Variants in PLAC1 observed in about 807,000 individuals in gnomAD.
PLAC1 encodes placenta-specific protein 1.
For missense variants in PLAC1, 136 were observed against 163.2 expected, an observed-to-expected ratio of 0.83 and a Z score of 0.91; for synonymous variants, 68 against 62.1, an observed-to-expected ratio of 1.09 and a Z score of -0.44.
intron 2 of PLAC1, among the ~76,000 whole-genome samples, chrX:134,714,076 C>T (rs2078636202): frequency 9.0e-6 from 1 of 111,694 alleles, no homozygotes; most frequent in Non-Finnish European, 1.9e-5. Flanking sequence ...ATTGCACTTG[C>T]AAATCTCTGC....
At chrX:134,598,118 G>A (rs756742484) in intron 2 of PLAC1, among the ~76,000 whole-genome samples, 20 of 112,404 alleles carry the variant, frequency 1.8e-4, no homozygotes, top group Non-Finnish European at 1.3e-4. Flanking sequence ...AAAAGCAGAA[G>A]TTGACTTTTA....
At chrX:134,762,821 C>CAAAAAAAAAAAAAA (rs60721487) in intron 1 of PLAC1, among the ~76,000 whole-genome samples, 10 of 14,821 alleles carry the variant, frequency 6.7e-4, no homozygotes, top group East Asian at 8.4e-3. Context: ...GGCTCTATCT[C>CAAAAAAAAAAAAAA]AAAAAAAAAA....
chrX:134,737,978 G>T (rs2078707289), intron 1 of PLAC1, among the ~76,000 whole-genome samples: 1 of 111,608 alleles, frequency 9.0e-6, no homozygotes, highest in Non-Finnish European at 1.9e-5. Context: ...ACAGAGGGAG[G>T]AAAAGAATCT....
At chrX:134,598,375 G>A (rs917164356) in intron 2 of PLAC1, among the ~76,000 whole-genome samples, 10 of 112,021 alleles carry the variant, frequency 8.9e-5, no homozygotes, top group Non-Finnish European at 1.9e-4. Context: ...TATGTGCCCA[G>A]AACTGCACTG....
chrX:134,687,038 G>A (rs1335260052), intron 2 of PLAC1, among the ~76,000 whole-genome samples: 1 of 111,409 alleles, frequency 9.0e-6, no homozygotes, highest in Non-Finnish European at 1.9e-5. Flanking sequence ...TAAGATCAAT[G>A]TTTTAGTGGA....
intron 2 of PLAC1, among the ~76,000 whole-genome samples, chrX:134,575,458 CA>C (rs56669568): frequency 0.15 from 10,363 of 68,754 alleles, 1,257 homozygotes; most frequent in African/African-American, 0.4. Flanking sequence ...AAAAAACAAA[CA>C]AAAAAAAAAG....
chrX:134,700,725 C>A (rs1474985603), intron 2 of PLAC1, among the ~76,000 whole-genome samples: 2 of 111,773 alleles, frequency 1.8e-5, no homozygotes, highest in African/African-American at 6.5e-5. Context: ...AGGAATACAT[C>A]TAACCAAAGA....
At chrX:134,603,266 A>ATT (rs1444651291) in intron 1 of PLAC1, among the ~76,000 whole-genome samples, 3 of 13,371 alleles carry the variant, frequency 2.2e-4, no homozygotes, top group Admixed American at 1.5e-3. Context: ...AGCTCTCTGT[A>ATT]TTTTATATAT....
chrX:134,763,375 G>A (rs1475958354), intron 1 of PLAC1, among the ~76,000 whole-genome samples: 1 of 111,899 alleles, frequency 8.9e-6, no homozygotes, highest in Non-Finnish European at 1.9e-5. Flanking sequence ...TAGCTCTGGA[G>A]TTCTAATCAC....
At chrX:134,730,583 T>C (rs1262686778) in intron 2 of PLAC1, among the ~76,000 whole-genome samples, 1 of 111,210 alleles carries the variant, frequency 9.0e-6, no homozygotes, top group Non-Finnish European at 1.9e-5. Flanking sequence ...TAGCTAGGAC[T>C]ATAGTTGTGC....
intron 1 of PLAC1, chrX:134,651,266 A>C (rs1157512290): frequency 1.6e-5 from 3 of 190,342 alleles, no homozygotes; most frequent in African/African-American, 9.0e-5. Context: ...AATCCACTTG[A>C]AACTGGATGG....
chrX:134,620,791 A>G (rs1399466719), intron 1 of PLAC1, among the ~76,000 whole-genome samples: 1 of 112,435 alleles, frequency 8.9e-6, no homozygotes, highest in Non-Finnish European at 1.9e-5. Flanking sequence ...GCTTCAAACC[A>G]ACTCCATGAA....
At chrX:134,690,730 G>A (rs1387392419) in intron 2 of PLAC1, among the ~76,000 whole-genome samples, 5 of 106,368 alleles carry the variant, frequency 4.7e-5, no homozygotes, top group Non-Finnish European at 9.6e-5. Flanking sequence ...CAGGAGATCC[G>A]AAACCATCCT....
At chrX:134,692,436 T>A (rs2078546385) in intron 2 of PLAC1, among the ~76,000 whole-genome samples, 1 of 111,863 alleles carries the variant, frequency 8.9e-6, no homozygotes. Flanking sequence ...CATTTCCTGG[T>A]AAGGACACTA....
rs773512087 is a variant in PLAC1 at position 134,566,354 on chromosome X, A to G, written c.329T>C (p.Val110Ala). 11 of 1,209,936 alleles carry G rather than the reference A, an allele frequency of 9.1e-6. No homozygotes were observed. The Admixed American group carries it at 2.4e-4, about 26-fold the overall frequency. The change falls in exon 3 of 3, where the codon GTG becomes GCG. Residue 110 changes from valine (V) to alanine (A), a missense_variant. Physicochemically the swap from Val to Ala is moderately conservative, Grantham distance 64 (BLOSUM62 0). Transcript: ENST00000359237. ...GGGGGCAGCACATGACACTGGGATCACAAACTTAGATGGCGTGCCCTTAGA... is the reference window on the plus strand; with the variant it reads ...GGGGGCAGCACATGACACTGGGATCGCAAACTTAGATGGCGTGCCCTTAGA... The part of the protein sequence containing the change: ...YSSKGTPSKF[V>A]IPVSCAAPQK...
At chrX:134,680,595 AAACTAAACT>A (rs1334862824) in intron 2 of PLAC1, among the ~76,000 whole-genome samples, 3,459 of 107,691 alleles carry the variant, frequency 0.032, 71 homozygotes, top group Admixed American at 0.056. Flanking sequence ...AAACTAAACT[AAACTAAACT>A]AAACACCTTC....
chrX:134,656,264 G>A (rs1405690105), intron 1 of PLAC1, among the ~76,000 whole-genome samples: 2 of 112,180 alleles, frequency 1.8e-5, no homozygotes, highest in Non-Finnish European at 3.8e-5. Flanking sequence ...CTAAATCCTA[G>A]TGCTGCCATT....
intron 1 of PLAC1, among the ~76,000 whole-genome samples, chrX:134,626,068 C>T (rs749609613): frequency 9.0e-6 from 1 of 111,012 alleles, no homozygotes; most frequent in South Asian, 3.9e-4. Context: ...CAGGGAGCCT[C>T]CTGCCTGACC....
intron 1 of PLAC1, among the ~76,000 whole-genome samples, chrX:134,735,957 TAAAA>T (rs766171376): frequency 1.4e-4 from 12 of 83,973 alleles, no homozygotes; most frequent in Non-Finnish European, 2.6e-4. Flanking sequence ...CTGTCTACCT[TAAAA>T]AAAAAAAAAA....
Sources: gnomAD v4.1 joint callset for allele counts (sites outside exome capture counted in the v4.1 genomes callset) on GRCh38, gnomAD v4.1.1 for gene constraint, MANE v1.5 for transcripts, NCBI Gene and HGNC (gene_info 2026-07-23, HGNC 2026-07-21) for gene names.